Variants in LNX1 observed in about 807,000 individuals in gnomAD.
LNX1 encodes the protein E3 ubiquitin-protein ligase LNX.
LNX1 carries 54 observed loss-of-function variants against 68.4 expected under a neutral mutation model. That is an observed-to-expected ratio of 0.79 (90% CI 0.63 to 0.99). The LOEUF (loss-of-function observed/expected upper bound fraction) is 0.99, where lower values mean the gene tolerates loss of function less well. Ranked by LOEUF, LNX1 falls within the 50% of genes least tolerant of loss-of-function variation. The pLI is 0.00. For missense variants in LNX1, 906 were observed against 926.4 expected, an observed-to-expected ratio of 0.98 and a Z score of 0.29; for synonymous variants, 336 against 350.0, an observed-to-expected ratio of 0.96 and a Z score of 0.45.
At position 53,460,708 on chromosome 4, in the gene LNX1, G is replaced by GA. The variant is rs1408075397; in HGVS notation, c.*198dup. On this transcript the variant is annotated 3_prime_UTR_variant, in exon 11 of 11. Coordinates refer to ENST00000263925, the MANE Select transcript of LNX1 (RefSeq NM_001126328.3). ...AGAGTAATGAGAAATCCTCCACACT[G>GA]AAAAAAAACTAGTAGTTTTAATTTT... 6.1e-5 allele frequency: 32 copies of GA among 527,754 alleles called. No homozygotes were observed. Among genetic ancestry groups the GA allele is most frequent in the Middle Eastern group, 4.9e-4 (1 of 2,036 alleles). 32.7% of individuals were successfully genotyped at this position (527,754 alleles called of 1,614,324 possible). A position where few individuals can be genotyped will look rare whatever the true frequency, so the allele number is the denominator to read the frequency against.
At chr4:53,521,028 G>A (rs1365175950) in intron 2 of LNX1, among the ~76,000 whole-genome samples, 1 of 152,184 alleles carries the variant, frequency 6.6e-6, no homozygotes, top group Non-Finnish European at 1.5e-5. Flanking sequence ...CCAAAGTCTA[G>A]CTTTTGGTTT....
intron 2 of LNX1, among the ~76,000 whole-genome samples, chr4:53,566,607 C>T (rs996324501): frequency 1.3e-5 from 2 of 150,886 alleles, no homozygotes; most frequent in African/African-American, 4.9e-5. Context: ...GCAAAATAAC[C>T]AGCTAACATC....
rs1553928026 is a variant in LNX1 at position 53,460,865 on chromosome 4, C to CTA, written c.*40_*41dup. On this transcript the variant is annotated 3_prime_UTR_variant, in exon 11 of 11. Coordinates refer to ENST00000263925, the MANE Select transcript of LNX1 (RefSeq NM_001126328.3). The stretch of plus-strand genomic sequence containing the variant: ...AAATATAGTGTTTCAACTTCTTAGC[C>CTA]TATTTGTGATTTTTCTGTTTTCCTC... The CTA allele has an allele frequency of 0.03, 46,401 of 1,552,586 alleles. 844 individuals carry two copies. Among genetic ancestry groups the CTA allele is most frequent in the Non-Finnish European group, 0.035 (39,546 of 1,139,264 alleles).
At chr4:53,622,244 T>G (rs1733909281), upstream of LNX1, among the ~76,000 whole-genome samples, 1 of 152,216 alleles carries the variant, frequency 6.6e-6, no homozygotes, top group Admixed American at 6.5e-5. Context: ...GGATTTTGAT[T>G]AAGAAATTTG....
At chr4:53,650,216 C>T (rs369099268) in intron 1 of LNX1, among the ~76,000 whole-genome samples, 1 of 152,156 alleles carries the variant, frequency 6.6e-6, no homozygotes, top group Admixed American at 6.5e-5. Context: ...AAATGCATAG[C>T]GCGTGTCACA....
intron 9 of LNX1, among the ~76,000 whole-genome samples, chr4:53,471,958 A>T (rs1432568360): frequency 6.6e-6 from 1 of 152,208 alleles, no homozygotes; most frequent in Non-Finnish European, 1.5e-5. Flanking sequence ...AACTGGAAAT[A>T]CCATTTGACC....
In LNX1 at chr4:53,562,468, G is replaced by C. The variant is rs550165832; in HGVS notation, c.380+11155C>G. ...TTCCCATAAAAGAGCTCTCTAGTCT[G>C]AAGACAATCAATGATCTAGCCAGTC... is the stretch of plus-strand genomic sequence containing the variant. On this transcript the variant is annotated intron_variant, in intron 2 of 10. Transcript: ENST00000263925. 5.7e-3 allele frequency among the ~76,000 whole-genome samples: 873 copies of C among 152,332 alleles called. 6 individuals are homozygous for C. The highest frequency in any genetic ancestry group is 0.02 in the African/African-American group (822 of 41,572).
intron 2 of LNX1, among the ~76,000 whole-genome samples, chr4:53,565,609 A>G (rs1344104116): frequency 2.0e-5 from 3 of 152,232 alleles, no homozygotes. Context: ...CTCCAAAGGA[A>G]CGCAGCTCCT....
intron 1 of LNX1, among the ~76,000 whole-genome samples, chr4:53,630,674 G>A (rs929252955): frequency 2.0e-5 from 3 of 152,102 alleles, no homozygotes; most frequent in Admixed American, 6.6e-5. Flanking sequence ...TTTGATGTTA[G>A]TGAACCAACA....
At chr4:53,618,151 C>T (rs1733747203), upstream of LNX1, among the ~76,000 whole-genome samples, 2 of 152,168 alleles carry the variant, frequency 1.3e-5, no homozygotes, top group Admixed American at 1.3e-4. Context: ...ACTACTTTGC[C>T]TACCAAATAA....
At chr4:53,505,766 T>C (rs1465116240) in intron 4 of LNX1, among the ~76,000 whole-genome samples, 1 of 152,156 alleles carries the variant, frequency 6.6e-6, no homozygotes, top group African/African-American at 2.4e-5. Flanking sequence ...TGATCATCGC[T>C]GATACAGGTG....
intron 9 of LNX1, among the ~76,000 whole-genome samples, chr4:53,465,070 CAAGCGTCTTGCATTT>C (rs2150558027): frequency 6.6e-6 from 1 of 152,188 alleles, no homozygotes; most frequent in African/African-American, 2.4e-5. Flanking sequence ...GCTATTCTTC[CAAGCGTCTTGCATTT>C]TGCCCTTTGA....
At chr4:53,603,514 T>A (rs1733104970) in intron 2 of LNX1, 2 of 152,268 alleles carry the variant, frequency 1.3e-5, no homozygotes, top group South Asian at 4.2e-4. Flanking sequence ...TAAAAGAGGT[T>A]TAATTGCTTC....
chr4:53,467,831 T>C (rs1295206435), intron 9 of LNX1, among the ~76,000 whole-genome samples: 3 of 152,184 alleles, frequency 2.0e-5, no homozygotes, highest in Non-Finnish European at 4.4e-5. Context: ...CCAAGAAATA[T>C]GGGACTATGT....
At chr4:53,492,389 C>T (rs1480260304) in intron 6 of LNX1, among the ~76,000 whole-genome samples, 1 of 151,968 alleles carries the variant, frequency 6.6e-6, no homozygotes, top group South Asian at 2.1e-4. Flanking sequence ...TACTAAATAT[C>T]CTCTTCTGTA....
At chr4:53,651,937 T>C (rs764882290) in intron 1 of LNX1, among the ~76,000 whole-genome samples, 3 of 151,972 alleles carry the variant, frequency 2.0e-5, no homozygotes, top group Non-Finnish European at 2.9e-5. Context: ...AGAGCGCAAA[T>C]GCCCTGAGGC....
At chr4:53,475,627 G>A (rs1463403411) in intron 9 of LNX1, among the ~76,000 whole-genome samples, 1 of 152,176 alleles carries the variant, frequency 6.6e-6, no homozygotes, top group Non-Finnish European at 1.5e-5. Flanking sequence ...CTTCAGTGAT[G>A]CTAATATTTA....
intron 7 of LNX1, among the ~76,000 whole-genome samples, chr4:53,479,054 A>C (rs1185969681): frequency 1.3e-5 from 2 of 152,248 alleles, no homozygotes; most frequent in Non-Finnish European, 2.9e-5. Flanking sequence ...ACAGACCATT[A>C]GAAAAATATA....
Position 53,498,529 on chromosome 4 carries a change from C to T in LNX1, c.978+112G>A, listed in dbSNP as rs1725240379. 112 of 733,028 alleles carry T rather than the reference C, an allele frequency of 1.5e-4. 2 individuals are homozygous for T. The South Asian group carries it at 1.9e-3, about 12-fold the overall frequency. 45.4% of individuals were successfully genotyped at this position (733,028 alleles called of 1,614,324 possible). On this transcript the variant is annotated intron_variant, in intron 5 of 10. Transcript: ENST00000263925. ...CATAAAATGATAGAAAGTCACTATC[C>T]ACATTTATTTTACCATTTCCCTCAT...
Sources: gnomAD v4.1 joint callset for allele counts (sites outside exome capture counted in the v4.1 genomes callset) on GRCh38, gnomAD v4.1.1 for gene constraint, MANE v1.5 for transcripts, NCBI Gene and HGNC (gene_info 2026-07-23, HGNC 2026-07-21) for gene names.